Variants in PDCD11 observed in about 807,000 individuals in gnomAD.
PDCD11 encodes the protein programmed cell death 11.
PDCD11 carries 97 observed loss-of-function variants against 198.9 expected under a neutral mutation model. The observed-to-expected ratio is 0.49, with a 90% CI of 0.41 to 0.58. The LOEUF (loss-of-function observed/expected upper bound fraction) is 0.58. PDCD11 is among the 20% of genes least tolerant of loss of function. The probability of loss-of-function intolerance (pLI) is 0.00; values close to 1 mark genes in which losing one functional copy is unlikely to be tolerated. For synonymous variants in PDCD11, 893 were observed against 918.0 expected (o/e 0.97, Z 0.49); for missense variants, 2,102 against 2,312.7 (o/e 0.91, Z 1.87).
intron 8 of PDCD11, among the ~76,000 whole-genome samples, chr10:103,412,540 TTGATCTCCTGACCTCG>T (rs553310089): frequency 1.4e-3 from 212 of 152,314 alleles, no homozygotes; most frequent in African/African-American, 5.0e-3. Flanking sequence ...CAGGATGGCC[TTGATCTCCTGACCTCG>T]TGATCTGCCT....
In PDCD11 at chr10:103,444,535, A is replaced by C; in HGVS notation, c.5297A>C (p.Lys1766Thr). The C allele has an allele frequency of 6.2e-7, 1 of 1,614,146 alleles. No homozygotes were observed. Among genetic ancestry groups the C allele is most frequent in the Non-Finnish European group, 8.5e-7 (1 of 1,179,998 alleles). Residue 1766 changes from lysine to threonine, a missense_variant, in exon 35 of 36, where the codon AAG (lysine) becomes ACG (threonine). Transcript: ENST00000369797. Reference sequence around the variant, plus strand: ...CCTGCAGATGTGGATGTCATTGCCAAGTTTGCCCAGCTTGAGTTTCAGCTG... The same window carrying C: ...CCTGCAGATGTGGATGTCATTGCCACGTTTGCCCAGCTTGAGTTTCAGCTG... ...PSKEHVDVIA[K>T]FAQLEFQLGD... is the part of the protein sequence containing the mutation.
rs1390513286 is a variant in PDCD11, at chr10:103,425,625, G to C, written c.3305+100G>C. Reference sequence around the variant, plus strand: ...GCTCCAAAAAGTTGCATGTAAGTCAGATTCTCTTTTAGTTAACAAAAGGCA... The same window carrying C: ...GCTCCAAAAAGTTGCATGTAAGTCACATTCTCTTTTAGTTAACAAAAGGCA... On this transcript the variant is annotated intron_variant, in intron 20 of 35. Coordinates refer to ENST00000369797, the MANE Select transcript of PDCD11 (RefSeq NM_014976.2). The C allele has an allele frequency of 3.8e-5, 37 of 984,984 alleles. No homozygotes were observed. The Admixed American group carries it at 9.5e-4, about 25-fold the overall frequency. The allele number at this position is 984,984 out of a possible 1,614,324, so 61.0% of individuals were successfully genotyped here.
At chr10:103,440,157 T>C (rs1382923267) in intron 28 of PDCD11, 133 bp from the exon 29 acceptor site, 1 of 1,341,976 alleles carries the variant, frequency 7.5e-7, no homozygotes, top group Non-Finnish European at 1.0e-6. Flanking sequence ...CTTGAGAATA[T>C]TGAAAGGACT....
In PDCD11 at chr10:103,432,240, T is replaced by C; in HGVS notation, c.3474+6T>C. ...TTACTTGCTTCTTAAAGAAAGTAAGTAGTTTTGCCACTCGGCAATGAGATG... is the reference window on the plus strand; with the variant it reads ...TTACTTGCTTCTTAAAGAAAGTAAGCAGTTTTGCCACTCGGCAATGAGATG... On this transcript the variant is annotated splice_donor_region_variant and intron_variant, in intron 22 of 35. Coordinates refer to ENST00000369797, the MANE Select transcript of PDCD11 (RefSeq NM_014976.2). 1.3e-6 allele frequency: 2 copies of C among 1,583,282 alleles called. No homozygotes were observed. The highest frequency in any genetic ancestry group is 1.7e-6 in the Non-Finnish European group (2 of 1,151,926).
In PDCD11 at chr10:103,440,752, C is replaced by T; in HGVS notation, c.4459C>T (p.Pro1487Ser). The stretch of plus-strand genomic sequence containing the variant: ...CTCTCAGGAAAGAGTGAGCAAGAAG[C>T]CAAAGAAAGCCGGCCTGTCAGAGGA... Reference protein sequence around the residue: ...GSEQERVSKKPKKAGLSEEDD... With the variant: ...GSEQERVSKKSKKAGLSEEDD... The change falls in exon 30 of 36, where the codon CCA (proline) becomes TCA (serine). Residue 1487 changes from proline to serine, a missense_variant. Physicochemically the swap from Pro to Ser is moderately conservative, Grantham distance 74. Transcript: ENST00000369797. 2 of 1,614,114 alleles carry T rather than the reference C, an allele frequency of 1.2e-6. No homozygotes were observed. The highest frequency in any genetic ancestry group is 1.7e-6 in the Non-Finnish European group (2 of 1,180,022).
Position 103,434,315 on chromosome 10 carries a change from A to T in PDCD11, c.3632A>T (p.Asp1211Val). Residue 1211 changes from aspartate (D) to valine (V), a missense_variant, in exon 24 of 36, where the codon GAT becomes GTT. Transcript: ENST00000369797. ...QALRATVVGP[D>V]SSKTLLCLSL... is the part of the protein sequence containing the mutation. ...CTGAGGGCCACCGTTGTTGGCCCAG[A>T]TTCCTCCAAGACCCTCTTATGTCTG... 6.2e-7 allele frequency: 1 copy of T among 1,613,462 alleles called. No homozygotes were observed. Among genetic ancestry groups the T allele is most frequent in the Non-Finnish European group, 8.5e-7 (1 of 1,179,378 alleles).
chr10:103,421,581 G>C lies in PDCD11; in HGVS notation c.2497+14G>C. The C allele has an allele frequency of 1.3e-6, 2 of 1,547,018 alleles. No individual in the cohort carries two copies. The highest frequency in any genetic ancestry group is 1.7e-6 in the Non-Finnish European group (2 of 1,143,296). ...TGAGCAACCGAGGTGGGGCACCTGT[G>C]GGGCAGGGGAGGTGGGCCAGGGGTG... On this transcript the variant is annotated intron_variant, in intron 17 of 35. Transcript: ENST00000369797.
rs548194966 is a variant in PDCD11 at position 103,418,675 on chromosome 10, G to T, written c.2106+41G>T. ...ATCTGTGGAGCAGAGGAAGGTGGGG[G>T]GCCATGGGTGCTTGGATGGGAAATT... On this transcript the variant is annotated intron_variant, in intron 15 of 35. Transcript: ENST00000369797. 1.4e-5 allele frequency: 21 copies of T among 1,534,434 alleles called. No individual in the cohort carries two copies. The African/African-American group carries it at 2.9e-4, about 21-fold the overall frequency.
At chr10:103,403,314 T>A in intron 4 of PDCD11, 29 bp downstream of exon 4, 1 of 1,595,702 alleles carries the variant, frequency 6.3e-7, no homozygotes, top group Non-Finnish European at 8.6e-7. Context: ...AAGCCTGTTA[T>A]TGAAAATAAG....
chr10:103,403,572 AAG>A (rs575966479), intron 4 of PDCD11, among the ~76,000 whole-genome samples: 40 of 152,316 alleles, frequency 2.6e-4, no homozygotes, highest in African/African-American at 9.4e-4. Flanking sequence ...TAAGGAGAGC[AAG>A]AGAGAGTGTG....
intron 32 of PDCD11, among the ~76,000 whole-genome samples, 154 bp downstream of exon 32, chr10:103,442,614 C>T (rs1040476765): frequency 1.3e-5 from 2 of 152,266 alleles, no homozygotes; most frequent in East Asian, 1.9e-4. Flanking sequence ...GCCATAGCTG[C>T]GGCCATCTGT....
At chr10:103,410,391 A>G (rs1336839611) in intron 8 of PDCD11, among the ~76,000 whole-genome samples, 1 of 151,982 alleles carries the variant, frequency 6.6e-6, no homozygotes, top group Non-Finnish European at 1.5e-5. Flanking sequence ...TGGTAGTAGT[A>G]TTTTTGTTTT....
intron 21 of PDCD11, among the ~76,000 whole-genome samples, chr10:103,428,320 A>AAC (rs1379099166): frequency 6.6e-6 from 1 of 151,686 alleles, no homozygotes; most frequent in Non-Finnish European, 1.5e-5. Context: ...AAAAAAAAAA[A>AAC]ACACAAAGTA....
chr10:103,401,755 T>C (rs2030081570), intron 3 of PDCD11, among the ~76,000 whole-genome samples: 1 of 152,132 alleles, frequency 6.6e-6, no homozygotes, highest in African/African-American at 2.4e-5. Context: ...TTTTTTTTTT[T>C]GAGACGGAGT....
intron 29 of PDCD11, 52 bp from the exon 30 acceptor site, chr10:103,440,682 G>A (rs973879880): frequency 1.5e-5 from 24 of 1,613,328 alleles, no homozygotes; most frequent in Non-Finnish European, 1.8e-5. Context: ...GGAGGGTGTC[G>A]CCTGGGGCTG....
At chr10:103,432,311 C>G in intron 22 of PDCD11, 77 bp downstream of exon 22, 2 of 1,051,182 alleles carry the variant, frequency 1.9e-6, no homozygotes, top group East Asian at 2.4e-5. Context: ...AGAGAAAAGC[C>G]ATTAGCAGAG....
intron 1 of PDCD11, among the ~76,000 whole-genome samples, chr10:103,398,076 A>T (rs2093446710): frequency 6.6e-6 from 1 of 152,200 alleles, no homozygotes; most frequent in African/African-American, 2.4e-5. Context: ...TTATCTTCCA[A>T]AAAGTGTGCA....
intron 32 of PDCD11, 46 bp downstream of exon 32, chr10:103,442,506 G>A: frequency 6.3e-7 from 1 of 1,587,404 alleles, no homozygotes. Flanking sequence ...CACGTTCTGG[G>A]CTGGGAAGTT....
Position 103,418,020 on chromosome 10 carries a change from A to G in PDCD11, c.1911+88A>G, listed in dbSNP as rs2031209999. On this transcript the variant is annotated intron_variant, in intron 14 of 35. Coordinates refer to ENST00000369797, the MANE Select transcript of PDCD11 (RefSeq NM_014976.2). Reference sequence around the variant, plus strand: ...ACACATGGCATATTGGAACCCACGAAGCGGAAAGATAGAGGTAGCTAGATA... The same window carrying G: ...ACACATGGCATATTGGAACCCACGAGGCGGAAAGATAGAGGTAGCTAGATA... The G allele has an allele frequency of 2.1e-6, 3 of 1,451,006 alleles. No homozygotes were observed. The African/African-American group carries it at 4.3e-5, about 21-fold the overall frequency. The allele number at this position is 1,451,006 out of a possible 1,614,324, so 89.9% of individuals were successfully genotyped here. A position where few individuals can be genotyped will look rare whatever the true frequency, so the allele number is the denominator to read the frequency against.
Sources: gnomAD v4.1 joint callset for allele counts (sites outside exome capture counted in the v4.1 genomes callset) on GRCh38, gnomAD v4.1.1 for gene constraint, MANE v1.5 for transcripts, NCBI Gene and HGNC (gene_info 2026-07-23, HGNC 2026-07-21) for gene names.